Variants in SPAG9 observed in about 807,000 individuals in gnomAD.
The protein encoded by SPAG9 is sperm associated antigen 9.
Under a neutral mutation model 166.5 loss-of-function variants are expected in SPAG9, and 35 were observed. The ratio of observed to expected loss-of-function variants is 0.21; its 90% CI spans 0.16 to 0.28. The LOEUF is 0.28. SPAG9 is among the 10% of genes least tolerant of loss of function. The pLI is 1.00. For missense variants in SPAG9, 1,235 were observed against 1,603.3 expected (o/e 0.77, Z 3.92); for synonymous variants, 534 against 565.5 (o/e 0.94, Z 0.79).
chr17:50,982,611 G>C lies in SPAG9; in HGVS notation c.3150C>G (p.Ile1050Met). The C allele has an allele frequency of 6.2e-7, 1 of 1,613,908 alleles. No individual in the cohort carries two copies. Among genetic ancestry groups the C allele is most frequent in the Non-Finnish European group, 8.5e-7 (1 of 1,179,888 alleles). ...LLDLGRPHHS[I>M]RCMTVVHDKV... The stretch of plus-strand genomic sequence containing the variant: ...TGTCATGTACCACAGTCATGCAACG[G>C]ATGGAATGATGAGGCCGTCCAAGGT... Residue 1050 changes from isoleucine (I) to methionine (M), a missense_variant, in exon 25 of 30, where the codon ATC (isoleucine) becomes ATG (methionine). Ile to Met is a conservative substitution (Grantham distance 10). Around this residue, in one of 6 missense-constraint regions of SPAG9, gnomAD observed 243 missense variants for 358.6 expected, o/e 0.68. Transcript: ENST00000262013.
intron 1 of SPAG9, among the ~76,000 whole-genome samples, chr17:51,102,130 C>A (rs2144740150): frequency 6.6e-6 from 1 of 152,118 alleles, no homozygotes; most frequent in Non-Finnish European, 1.5e-5. Context: ...CATTTGTAAT[C>A]CTAGCATTTT....
chr17:51,049,746 C>T (rs367806291), intron 3 of SPAG9, among the ~76,000 whole-genome samples: 7 of 152,018 alleles, frequency 4.6e-5, no homozygotes, highest in East Asian at 3.9e-4. Context: ...TACAGGTGCC[C>T]GCCACCACAC....
chr17:51,047,535 A>G (rs1252198112), intron 3 of SPAG9, 66 bp from the exon 4 acceptor site: 2 of 709,380 alleles, frequency 2.8e-6, no homozygotes, highest in South Asian at 1.9e-5. Context: ...TCATAGTGTT[A>G]TAACAAGGAA....
rs191746253 is a variant in SPAG9, at chr17:51,011,532, G to A, written c.1213+2700C>T. ...CAAGTAGCTGGGATTACAGGTGCAC[G>A]CCACAATGCCCAGCTAATTTTTGTA... On this transcript the variant is annotated intron_variant, in intron 9 of 29. Transcript: ENST00000262013. Among the ~76,000 whole-genome samples the A allele has an allele frequency of 3.4e-4, 52 of 152,008 alleles. 1 individual carries two copies. The highest frequency in any genetic ancestry group is 3.1e-3 in the Admixed American group (47 of 15,276).
intron 6 of SPAG9, among the ~76,000 whole-genome samples, chr17:51,024,838 A>G (rs969163442): frequency 2.0e-5 from 3 of 151,968 alleles, no homozygotes; most frequent in South Asian, 2.1e-4. Context: ...ACATAAAACA[A>G]TAATAATGTA....
rs1055368467 is a variant in SPAG9 at position 51,021,422 on chromosome 17, C to T, written c.784-57G>A. 3.8e-6 allele frequency: 5 copies of T among 1,322,100 alleles called. No homozygotes were observed. In the African/African-American group the frequency reaches 4.5e-5, roughly 12 times the overall value. 81.9% of individuals were successfully genotyped at this position (1,322,100 alleles called of 1,614,324 possible). A position where few individuals can be genotyped will look rare whatever the true frequency, so the allele number is the denominator to read the frequency against. ...TAAATGACGAATTTACTCTAAACCA[C>T]ATTAAATGGGTTGAGAAATAAATCT... On this transcript the variant is annotated intron_variant, in intron 6 of 29. Transcript: ENST00000262013.
intron 5 of SPAG9, among the ~76,000 whole-genome samples, chr17:51,034,879 A>G (rs916646232): frequency 2.0e-5 from 3 of 152,206 alleles, no homozygotes; most frequent in Non-Finnish European, 2.9e-5. Flanking sequence ...AATAATGAGA[A>G]ATCAGAGAAG....
chr17:50,990,391 A>T, intron 20 of SPAG9, 59 bp downstream of exon 20: 1 of 1,199,392 alleles, frequency 8.3e-7, no homozygotes, highest in Non-Finnish European at 1.2e-6. Context: ...GTCCATAATG[A>T]GGCATCTGAG....
chr17:50,981,547 AT>A (rs1295890476), intron 25 of SPAG9, among the ~76,000 whole-genome samples: 2 of 151,912 alleles, frequency 1.3e-5, no homozygotes, highest in African/African-American at 4.8e-5. Context: ...GAAAGAAAGA[AT>A]AGATAGATAG....
chr17:51,069,491 T>C (rs947745147), intron 2 of SPAG9, among the ~76,000 whole-genome samples: 1 of 152,144 alleles, frequency 6.6e-6, no homozygotes, highest in African/African-American at 2.4e-5. Flanking sequence ...AAATGATACT[T>C]GGCAACTTTA....
At chr17:51,089,618 TTTTATA>T (rs1248497926) in intron 1 of SPAG9, among the ~76,000 whole-genome samples, 3 of 71,284 alleles carry the variant, frequency 4.2e-5, no homozygotes, top group African/African-American at 7.6e-5. Context: ...ATACACTTTA[TTTTATA>T]TATATATATA....
rs1051878339 is a variant in SPAG9, at chr17:50,964,678, A to G, written c.*1594T>C. 2.3e-6 allele frequency: 1 copy of G among 443,542 alleles called. No homozygotes were observed. The highest frequency in any genetic ancestry group is 2.4e-5 in the Admixed American group (1 of 41,190). The allele number at this position is 443,542 out of a possible 1,614,324, so 27.5% of individuals were successfully genotyped here. A position where few individuals can be genotyped will look rare whatever the true frequency, so the allele number is the denominator to read the frequency against. On this transcript the variant is annotated 3_prime_UTR_variant, in exon 30 of 30. Transcript: ENST00000262013. ...CATTTTCAAGAAGCTTGAGAGGGAAAAAATTGCAGCATCGTGGTTTTAAAA... is the reference window on the plus strand; with the variant it reads ...CATTTTCAAGAAGCTTGAGAGGGAAGAAATTGCAGCATCGTGGTTTTAAAA...
At position 50,966,432 on chromosome 17, in the gene SPAG9, T is replaced by C. The variant is rs79122741; in HGVS notation, c.3851-45A>G. On this transcript the variant is annotated intron_variant, in intron 29 of 29. Coordinates refer to ENST00000262013, the MANE Select transcript of SPAG9 (RefSeq NM_001130528.3). ...CTCAAGTTAGGCTGAACACATAAAA[T>C]ATAGAATGATGTGAGTCAGATGTAA... 11,449 of 1,174,756 alleles carry C rather than the reference T, an allele frequency of 9.7e-3. 782 individuals are homozygous for C. In the African/African-American group the frequency reaches 0.15, roughly 15 times the overall value. 72.8% of individuals were successfully genotyped at this position (1,174,756 alleles called of 1,614,324 possible). A position where few individuals can be genotyped will look rare whatever the true frequency, so the allele number is the denominator to read the frequency against.
chr17:50,977,265 A>G, intron 26 of SPAG9, 44 bp from the exon 27 acceptor site: 2 of 1,173,624 alleles, frequency 1.7e-6, no homozygotes, highest in Non-Finnish European at 2.5e-6. Flanking sequence ...ACTAAAGCAG[A>G]CAGTGTTTTA....
intron 1 of SPAG9, among the ~76,000 whole-genome samples, chr17:51,105,794 C>A (rs920973937): frequency 9.9e-5 from 15 of 151,620 alleles, no homozygotes; most frequent in African/African-American, 3.6e-4. Context: ...GGCGTGAACC[C>A]GGGAGATGGA....
intron 17 of SPAG9, 46 bp from the exon 18 acceptor site, chr17:50,995,270 G>A: frequency 1.3e-6 from 2 of 1,553,704 alleles, no homozygotes. Flanking sequence ...GAAATGTTTA[G>A]CATTTTCATG....
chr17:51,009,420 G>A (rs562211600), intron 9 of SPAG9, among the ~76,000 whole-genome samples: 4 of 152,270 alleles, frequency 2.6e-5, no homozygotes, highest in African/African-American at 9.6e-5. Flanking sequence ...CTGTAAACTG[G>A]AGGGTATACA....
chr17:51,077,061 T>TATCTAGCTAGCTAGCTATCTAG (rs2048023852), intron 2 of SPAG9, among the ~76,000 whole-genome samples: 6 of 109,704 alleles, frequency 5.5e-5, no homozygotes, highest in African/African-American at 2.2e-4. Flanking sequence ...TAGCTAGCTA[T>TATCTAGCTAGCTAGCTATCTAG]CTAGCTAGCT....
rs750194914 is a variant in SPAG9, at chr17:50,964,845, T to C, written c.*1427A>G. 6.4e-6 allele frequency: 2 copies of C among 313,134 alleles called. No homozygotes were observed. The highest frequency in any genetic ancestry group is 6.8e-6 in the Non-Finnish European group (1 of 146,748). 19.4% of individuals were successfully genotyped at this position (313,134 alleles called of 1,614,324 possible). On this transcript the variant is annotated 3_prime_UTR_variant, in exon 30 of 30. Coordinates refer to ENST00000262013, the MANE Select transcript of SPAG9 (RefSeq NM_001130528.3). Reference sequence around the variant, plus strand: ...AAGGCTCACTGCAACCTCCACCTCCTGGGCCCAGGTCATCCTCCCACCTCA... The same window carrying C: ...AAGGCTCACTGCAACCTCCACCTCCCGGGCCCAGGTCATCCTCCCACCTCA...
Sources: allele counts gnomAD v4.1 joint callset (sites outside exome capture counted in the v4.1 genomes callset), GRCh38; gene constraint gnomAD v4.1.1; regional missense constraint gnomAD v4.1.1; transcripts MANE v1.5; gene names NCBI Gene and HGNC (gene_info 2026-07-23, HGNC 2026-07-21).